The following CCDC47 variants were observed in gnomAD, a reference collection of about 807,000 sequenced individuals.
CCDC47 encodes coiled-coil domain containing 47, also known as PAT complex subunit CCDC47.
Under a neutral mutation model 60.5 loss-of-function variants are expected in CCDC47, and 41 were observed. The observed-to-expected ratio is 0.68, with a 90% CI of 0.53 to 0.88. The LOEUF (loss-of-function observed/expected upper bound fraction) is 0.88. CCDC47 is among the 40% of genes least tolerant of loss of function. The pLI, the probability that CCDC47 is intolerant of heterozygous loss-of-function variation, is 0.00. For missense variants in CCDC47, 513 were observed against 580.9 expected (o/e 0.88, Z 1.20); for synonymous variants, 195 against 190.7 (o/e 1.02, Z -0.18).
chr17:63,768,854 T>C (rs752175209), intron 1 of CCDC47, among the ~76,000 whole-genome samples: 9 of 151,866 alleles, frequency 5.9e-5, no homozygotes, highest in Non-Finnish European at 1.2e-4. Context: ...GAGGCCAAGG[T>C]AGGCAGATCA....
chr17:63,769,001 T>C (rs867337345), intron 1 of CCDC47, among the ~76,000 whole-genome samples: 32 of 151,500 alleles, frequency 2.1e-4, no homozygotes, highest in African/African-American at 7.3e-4. Flanking sequence ...TGAGAATCAC[T>C]TGAACCTGGG....
At chr17:63,747,270 A>C in intron 12 of CCDC47, 2 of 985,030 alleles carry the variant, frequency 2.0e-6, no homozygotes, top group Non-Finnish European at 2.4e-6. Context: ...TACCCAGGGA[A>C]CACTTAGCCT....
chr17:63,750,402 A>G (rs939649263), intron 12 of CCDC47, among the ~76,000 whole-genome samples: 1 of 152,220 alleles, frequency 6.6e-6, no homozygotes, highest in African/African-American at 2.4e-5. Context: ...GGGTAAGATG[A>G]TGATGACAGG....
chr17:63,750,924 G>A (rs920236561), intron 12 of CCDC47, among the ~76,000 whole-genome samples: 1 of 150,430 alleles, frequency 6.6e-6, no homozygotes, highest in Non-Finnish European at 1.5e-5. Flanking sequence ...GCCCAGGCTA[G>A]AGTGCAGTGG....
intron 6 of CCDC47, among the ~76,000 whole-genome samples, chr17:63,756,805 A>G (rs1247505308): frequency 6.6e-6 from 1 of 152,168 alleles, no homozygotes; most frequent in Non-Finnish European, 1.5e-5. Flanking sequence ...GGTGTATCCA[A>G]CTTAATCAAG....
intron 1 of CCDC47, among the ~76,000 whole-genome samples, chr17:63,768,259 T>C (rs1355154205): frequency 6.6e-6 from 1 of 152,184 alleles, no homozygotes; most frequent in Non-Finnish European, 1.5e-5. Flanking sequence ...AAAGCACAAT[T>C]CCTGAACTGA....
intron 8 of CCDC47, chr17:63,755,389 GT>G (rs1427107945): frequency 1.5e-6 from 1 of 652,412 alleles, no homozygotes; most frequent in African/African-American, 2.0e-5. Context: ...GGAGGCCAAG[GT>G]GGGTGGATCA....
intron 4 of CCDC47, chr17:63,761,891 G>A (rs899537359): frequency 3.8e-6 from 3 of 782,916 alleles, no homozygotes; most frequent in African/African-American, 3.8e-5. Context: ...CTAAGCACAT[G>A]CTTGTCAGTT....
At chr17:63,753,574 T>C (rs2039182785) in intron 9 of CCDC47, 2 of 896,938 alleles carry the variant, frequency 2.2e-6, no homozygotes, top group South Asian at 1.0e-4. Flanking sequence ...TAAATAAATA[T>C]GCTCTCCTGA....
At chr17:63,768,847 G>A (rs562024375) in intron 1 of CCDC47, among the ~76,000 whole-genome samples, 7 of 152,126 alleles carry the variant, frequency 4.6e-5, no homozygotes, top group Admixed American at 3.9e-4. Context: ...AGTTTGGGAG[G>A]CCAAGGTAGG....
intron 8 of CCDC47, chr17:63,755,259 G>A (rs1014381583): frequency 2.1e-5 from 21 of 980,730 alleles, no homozygotes; most frequent in Admixed American, 1.2e-4. Context: ...GAACCACAGC[G>A]CGCGGACAAG....
At chr17:63,752,682 C>T in intron 10 of CCDC47, 59 bp downstream of exon 10, 1 of 1,509,942 alleles carries the variant, frequency 6.6e-7, no homozygotes. Context: ...GGAAACAATA[C>T]TCTCCTTAAG....
At chr17:63,759,326 TA>T (rs776908819) in intron 6 of CCDC47, among the ~76,000 whole-genome samples, 1 of 148,856 alleles carries the variant, frequency 6.7e-6, no homozygotes, top group East Asian at 2.0e-4. Flanking sequence ...CCGTCTCTAC[TA>T]AAAATACAAA....
intron 9 of CCDC47, 38 bp downstream of exon 9, chr17:63,754,395 G>T: frequency 8.0e-7 from 1 of 1,252,606 alleles, no homozygotes; most frequent in Non-Finnish European, 1.2e-6. Context: ...GAAAGCTAGT[G>T]AGGAAAATTA....
At chr17:63,772,712 A>C (rs2039357402) in intron 1 of CCDC47, 2 of 152,202 alleles carry the variant, frequency 1.3e-5, no homozygotes, top group Non-Finnish European at 2.9e-5. Context: ...CTTCTGAGAT[A>C]ACTCAGCACT....
Position 63,746,848 on chromosome 17 carries a change from G to T in CCDC47, c.*33C>A. On this transcript the variant is annotated 3_prime_UTR_variant, in exon 13 of 13. Transcript: ENST00000225726. ...GTTTCCTGTGAATTCAGAGCTTACA[G>T]GTGGCATCAGAACTCAAATCTCTGG... The T allele has an allele frequency of 6.8e-7, 1 of 1,463,236 alleles. No homozygotes were observed. The highest frequency in any genetic ancestry group is 9.6e-7 in the Non-Finnish European group (1 of 1,043,078). The allele number at this position is 1,463,236 out of a possible 1,614,324, so 90.6% of individuals were successfully genotyped here. A position where few individuals can be genotyped will look rare whatever the true frequency, so the allele number is the denominator to read the frequency against.
intron 1 of CCDC47, among the ~76,000 whole-genome samples, chr17:63,770,085 T>C (rs1482339371): frequency 6.6e-6 from 1 of 151,484 alleles, no homozygotes; most frequent in Non-Finnish European, 1.5e-5. Flanking sequence ...CTCAGCCTCC[T>C]GAGTAGCTGG....
At chr17:63,755,811 A>G (rs2039201226) in intron 8 of CCDC47, among the ~76,000 whole-genome samples, 1 of 151,858 alleles carries the variant, frequency 6.6e-6, no homozygotes, top group African/African-American at 2.4e-5. Flanking sequence ...TCTATCACAC[A>G]CATGAATAGC....
intron 8 of CCDC47, 66 bp from the exon 9 acceptor site, chr17:63,754,584 A>T: frequency 2.9e-6 from 3 of 1,051,980 alleles, no homozygotes; most frequent in Non-Finnish European, 4.3e-6. Flanking sequence ...TTTCCTAAAG[A>T]TATTCACTCT....
Sources: gnomAD v4.1 joint callset for allele counts (sites outside exome capture counted in the v4.1 genomes callset) on GRCh38, gnomAD v4.1.1 for gene constraint, MANE v1.5 for transcripts, NCBI Gene and HGNC (gene_info 2026-07-23, HGNC 2026-07-21) for gene names.